The following OR7A5 variants were observed in gnomAD, a reference collection of about 807,000 sequenced individuals.
The protein encoded by OR7A5 is olfactory receptor family 7 subfamily A member 5, also known as olfactory receptor 7A5.
For synonymous variants in OR7A5, 140 were observed against 146.7 expected, an observed-to-expected ratio of 0.95 and a Z score of 0.33; for missense variants, 319 against 377.9, an observed-to-expected ratio of 0.84 and a Z score of 1.29.
chr19:14,826,518 G>A lies in OR7A5; in HGVS notation c.*764C>T, dbSNP rs1203214535. ...CACTCCAATAAATAAACTTATATAT[G>A]GGCACTAAGCTTCCATACTTCAATG... On this transcript the variant is annotated 3_prime_UTR_variant, in exon 2 of 2. Coordinates refer to ENST00000322301, the MANE Select transcript of OR7A5 (RefSeq NM_017506.2). 6.6e-6 allele frequency: 1 copy of A among 152,008 alleles called. No individual in the cohort carries two copies. Among genetic ancestry groups the A allele is most frequent in the Non-Finnish European group, 1.5e-5 (1 of 68,000 alleles). 9.4% of individuals were successfully genotyped at this position (152,008 alleles called of 1,614,324 possible). A position where few individuals can be genotyped will look rare whatever the true frequency, so the allele number is the denominator to read the frequency against.
At chr19:14,830,646 G>A (rs144701275) in intron 1 of OR7A5, among the ~76,000 whole-genome samples, 6 of 152,038 alleles carry the variant, frequency 3.9e-5, no homozygotes, top group South Asian at 4.1e-4. Flanking sequence ...TAATTATGTC[G>A]GTTTTAATGA....
chr19:14,828,406 G>T, intron 1 of OR7A5, 152 bp from the exon 2 acceptor site: 1 of 755,126 alleles, frequency 1.3e-6, no homozygotes, highest in Non-Finnish European at 2.1e-6. Flanking sequence ...TGTCATCTCT[G>T]ATTAGGAACT....
chr19:14,833,692 G>T (rs1198242448), intron 1 of OR7A5, among the ~76,000 whole-genome samples: 1 of 152,012 alleles, frequency 6.6e-6, no homozygotes, highest in Non-Finnish European at 1.5e-5. Context: ...TTAAACGCTG[G>T]TAACTGTATA....
chr19:14,828,561 C>T, intron 1 of OR7A5, among the ~76,000 whole-genome samples: 1 of 151,890 alleles, frequency 6.6e-6, no homozygotes, highest in Non-Finnish European at 1.5e-5. Context: ...GAGGTTGAGA[C>T]CATCCTGGCC....
intron 1 of OR7A5, among the ~76,000 whole-genome samples, chr19:14,829,934 C>T (rs1346937676): frequency 6.6e-6 from 1 of 152,172 alleles, no homozygotes; most frequent in African/African-American, 2.4e-5. Context: ...GTGATCATAG[C>T]TCACTGCAGC....
At chr19:14,830,677 C>T (rs1296172690) in intron 1 of OR7A5, among the ~76,000 whole-genome samples, 1 of 152,110 alleles carries the variant, frequency 6.6e-6, no homozygotes, top group Admixed American at 6.6e-5. Flanking sequence ...TTTAGCTTTC[C>T]TTTTGGAACT....
chr19:14,831,319 C>G (rs940686983), intron 1 of OR7A5, among the ~76,000 whole-genome samples: 1 of 152,180 alleles, frequency 6.6e-6, no homozygotes, highest in Non-Finnish European at 1.5e-5. Flanking sequence ...GTAAAAGACT[C>G]ATTTTTTTCT....
intron 1 of OR7A5, among the ~76,000 whole-genome samples, chr19:14,832,841 A>C (rs2044847171): frequency 6.6e-6 from 1 of 152,218 alleles, no homozygotes; most frequent in African/African-American, 2.4e-5. Context: ...ACTGTAGTGA[A>C]TAAAATTGTT....
intron 1 of OR7A5, among the ~76,000 whole-genome samples, chr19:14,828,625 G>A (rs1210139825): frequency 6.6e-6 from 1 of 151,868 alleles, no homozygotes; most frequent in African/African-American, 2.4e-5. Context: ...CTGGTGTAGT[G>A]GCATGCGCCT....
intron 1 of OR7A5, among the ~76,000 whole-genome samples, chr19:14,834,130 T>G (rs1376249993): frequency 1.3e-5 from 2 of 152,076 alleles, no homozygotes; most frequent in Non-Finnish European, 2.9e-5. Flanking sequence ...AGCATGGTGG[T>G]GCACACCAGT....
chr19:14,827,828 AG>A lies in OR7A5; in HGVS notation c.413del (p.Pro138LeufsTer9). 8.7e-6 allele frequency: 14 copies of A among 1,614,188 alleles called. No individual in the cohort carries two copies. Among genetic ancestry groups the A allele is most frequent in the Non-Finnish European group, 1.0e-5 (12 of 1,180,032 alleles). On this transcript the variant is annotated frameshift_variant, in exon 2 of 2. Transcript: ENST00000322301. LOFTEE classifies it low-confidence loss of function (END_TRUNC). ...CTAGAACCAGCAGTCCACAGAGGTG[AG>A]GGTTCATAATGACCATGTAGTGCAG... Reference protein sequence around the residue: ...HPLHYMVIMNPHLCGLLVLAS... With the variant: ...HPLHYMVIMNXHLCGLLVLAS...
chr19:14,829,167 G>A (rs1178019494), intron 1 of OR7A5, among the ~76,000 whole-genome samples: 2 of 152,208 alleles, frequency 1.3e-5, no homozygotes, highest in Non-Finnish European at 2.9e-5. Context: ...TGCCTGGCAG[G>A]AGGAATGGCA....
At position 14,828,116 on chromosome 19, in the gene OR7A5, G is replaced by A. The variant is rs1599924450; in HGVS notation, c.126C>T (p.Asn42=). 2 of 1,614,144 alleles carry A rather than the reference G, an allele frequency of 1.2e-6. No homozygotes were observed. Among genetic ancestry groups the A allele is most frequent in the Non-Finnish European group, 8.5e-7 (1 of 1,180,018 alleles). ...LSMYLVTVLG[N]LLIILATISD... ...AGATTGTGGCCAGGATGATGAGCAG[G>A]TTCCCGAGCACAGTGACCAGGTACA... Residue 42 remains asparagine, a synonymous_variant, in exon 2 of 2, where the codon AAC becomes AAT. Transcript: ENST00000322301.
chr19:14,833,640 C>T (rs1375753107), intron 1 of OR7A5, among the ~76,000 whole-genome samples: 15 of 152,008 alleles, frequency 9.9e-5, no homozygotes, highest in Admixed American at 3.9e-4. Flanking sequence ...TAATAAATTT[C>T]CCCAAAAGTC....
intron 1 of OR7A5, among the ~76,000 whole-genome samples, chr19:14,833,410 C>A (rs117945812): frequency 6.6e-6 from 1 of 152,132 alleles, no homozygotes; most frequent in Non-Finnish European, 1.5e-5. Context: ...ATCCAGGAAG[C>A]GAAGGTTGCA....
chr19:14,831,924 G>C lies in OR7A5; in HGVS notation c.-14+3150C>G, dbSNP rs897984845. ...TTCTGTTGTATTCTATTTATTCATT[G>C]TTGAGATAGGGTCTTACTCTCTTGC... On this transcript the variant is annotated intron_variant, in intron 1 of 1. Transcript: ENST00000322301. 8.5e-5 allele frequency among the ~76,000 whole-genome samples: 13 copies of C among 152,150 alleles called. 1 individual carries two copies. In the South Asian group the frequency reaches 2.5e-3, roughly 29 times the overall value.
At chr19:14,831,220 T>A (rs1418329532) in intron 1 of OR7A5, among the ~76,000 whole-genome samples, 1 of 152,124 alleles carries the variant, frequency 6.6e-6, no homozygotes, top group African/African-American at 2.4e-5. Context: ...CATATCCTAA[T>A]AGAAAAATGG....
rs148530264 is a variant in OR7A5 at position 14,830,728 on chromosome 19, G to A, written c.-13-2474C>T. 2.0e-5 allele frequency among the ~76,000 whole-genome samples: 3 copies of A among 152,282 alleles called. No homozygotes were observed. The East Asian group carries it at 5.8e-4, about 29-fold the overall frequency. On this transcript the variant is annotated intron_variant, in intron 1 of 1. Transcript: ENST00000322301. ...AAGTTATCCAAAAGACAAGACTGTG[G>A]AGTCCTAATTAGGGAAATGGAGTCA...
intron 1 of OR7A5, among the ~76,000 whole-genome samples, chr19:14,834,623 A>G (rs528799711): frequency 1.8e-3 from 270 of 152,296 alleles, no homozygotes; most frequent in Non-Finnish European, 3.3e-3. Context: ...TGGTATTTGC[A>G]AGCAATCCGT....
Sources: gnomAD v4.1 joint callset for allele counts (sites outside exome capture counted in the v4.1 genomes callset) on GRCh38, gnomAD v4.1.1 for gene constraint, MANE v1.5 for transcripts, NCBI Gene and HGNC (gene_info 2026-07-23, HGNC 2026-07-21) for gene names.